Variants in CNTLN observed in about 807,000 individuals in gnomAD.
CNTLN encodes the protein centlein, also known as centlein, centrosomal protein.
A neutral mutation model predicts 180.0 loss-of-function variants in CNTLN; 212 were observed. The observed-to-expected ratio is 1.18, with a 90% CI of 1.05 to 1.32. The LOEUF is 1.32. CNTLN is among the 40% of genes most tolerant of loss of function. CNTLN has a pLI of 0.00. For missense variants in CNTLN, 2,095 were observed against 1,610.9 expected (o/e 1.30, Z -5.14); for synonymous variants, 722 against 563.1 (o/e 1.28, Z -3.99).
At chr9:17,507,511 T>A (rs142943992), downstream of CNTLN, among the ~76,000 whole-genome samples, 274 of 152,346 alleles carry the variant, frequency 1.8e-3, 1 homozygote, top group African/African-American at 6.3e-3. Context: ...ATATAACTAC[T>A]AATTGGGTTA....
chr9:17,138,468 T>G (rs1347020690), intron 1 of CNTLN, among the ~76,000 whole-genome samples: 3 of 152,174 alleles, frequency 2.0e-5, no homozygotes, highest in Non-Finnish European at 4.4e-5. Flanking sequence ...GAATTGTATG[T>G]GATCAGAGAA....
At chr9:17,418,811 T>A (rs967194188) in intron 18 of CNTLN, among the ~76,000 whole-genome samples, 18 of 152,046 alleles carry the variant, frequency 1.2e-4, no homozygotes, top group African/African-American at 4.3e-4. Context: ...GCCTCCATAC[T>A]AAAGATATTA....
At chr9:17,380,638 T>C (rs1438316325) in intron 13 of CNTLN, among the ~76,000 whole-genome samples, 1 of 152,182 alleles carries the variant, frequency 6.6e-6, no homozygotes, top group Non-Finnish European at 1.5e-5. Flanking sequence ...ATGTAAGGTT[T>C]GGCCAGGAGC....
In CNTLN at chr9:17,314,816, G is replaced by A. The variant is rs567504989; in HGVS notation, c.1341+5564G>A. On this transcript the variant is annotated intron_variant, in intron 8 of 25. Transcript: ENST00000380647. ...TAATTTGCTTGGAGTTTAAATGGTC[G>A]TGTGTGGTAGATTTATTCTGATAGG... Among the ~76,000 whole-genome samples the A allele has an allele frequency of 8.5e-5, 13 of 152,222 alleles. No homozygotes were observed. The South Asian group carries it at 2.5e-3, about 29-fold the overall frequency.
intron 3 of CNTLN, among the ~76,000 whole-genome samples, chr9:17,227,731 GA>G (rs1300288598): frequency 1.3e-5 from 2 of 151,916 alleles, no homozygotes; most frequent in African/African-American, 4.8e-5. Flanking sequence ...AATAAACTTA[GA>G]AATTTGAAAT....
intron 3 of CNTLN, among the ~76,000 whole-genome samples, chr9:17,231,851 C>T (rs550069816): frequency 6.6e-5 from 10 of 151,238 alleles, no homozygotes; most frequent in African/African-American, 2.4e-4. Flanking sequence ...TTCATACTCA[C>T]TATTATTCTC....
chr9:17,347,091 G>C (rs1229567822), intron 12 of CNTLN, among the ~76,000 whole-genome samples: 1 of 151,982 alleles, frequency 6.6e-6, no homozygotes, highest in African/African-American at 2.4e-5. Flanking sequence ...TTGTTTATTT[G>C]CTTAGAGTTT....
intron 23 of CNTLN, among the ~76,000 whole-genome samples, chr9:17,476,633 A>T (rs746723606): frequency 1.7e-4 from 26 of 152,226 alleles, no homozygotes; most frequent in South Asian, 4.1e-4. Flanking sequence ...AAAAGATTAA[A>T]CCAGTCACAA....
chr9:17,240,056 T>A (rs183691500), intron 5 of CNTLN, among the ~76,000 whole-genome samples: 1 of 152,302 alleles, frequency 6.6e-6, no homozygotes, highest in East Asian at 1.9e-4. Flanking sequence ...TTGGGGAGTA[T>A]TACCATCTCA....
intron 6 of CNTLN, among the ~76,000 whole-genome samples, chr9:17,278,186 C>T (rs1364611659): frequency 6.6e-6 from 1 of 152,030 alleles, no homozygotes; most frequent in Non-Finnish European, 1.5e-5. Context: ...CAGTCACAGC[C>T]AGAGAACAAG....
chr9:17,404,987 C>G (rs1157706578), intron 15 of CNTLN, among the ~76,000 whole-genome samples: 1 of 151,672 alleles, frequency 6.6e-6, no homozygotes, highest in African/African-American at 2.4e-5. Flanking sequence ...GTCTGCCCAC[C>G]TCGGCCTCCC....
intron 2 of CNTLN, among the ~76,000 whole-genome samples, chr9:17,169,525 GA>G (rs1164864844): frequency 2.0e-5 from 3 of 152,078 alleles, no homozygotes; most frequent in Non-Finnish European, 4.4e-5. Context: ...CTAGTTTTGT[GA>G]TTTCAAGTCT....
intron 2 of CNTLN, among the ~76,000 whole-genome samples, chr9:17,157,601 T>C (rs546774686): frequency 1.3e-5 from 2 of 152,324 alleles, no homozygotes; most frequent in South Asian, 4.1e-4. Context: ...TTTGAATTGA[T>C]GAACTGAGTA....
At chr9:17,510,533 G>A in the CNTLN span, among the ~76,000 whole-genome samples, 1 of 152,140 alleles carries the variant, frequency 6.6e-6, no homozygotes, top group African/African-American at 2.4e-5. Context: ...CAGTAAAGCA[G>A]ATTGCCCTCC....
chr9:17,401,264 A>G (rs1826952311), intron 15 of CNTLN, among the ~76,000 whole-genome samples: 1 of 152,246 alleles, frequency 6.6e-6, no homozygotes, highest in Non-Finnish European at 1.5e-5. Flanking sequence ...CTATATATAC[A>G]TAGCAGACTG....
At chr9:17,468,980 AGAT>A (rs1320208556) in intron 23 of CNTLN, among the ~76,000 whole-genome samples, 1 of 151,746 alleles carries the variant, frequency 6.6e-6, no homozygotes, top group African/African-American at 2.4e-5. Flanking sequence ...TAATAGGGAA[AGAT>A]GATAAATATG....
At chr9:17,303,572 TGTA>T (rs1358919077) in intron 7 of CNTLN, among the ~76,000 whole-genome samples, 1 of 152,094 alleles carries the variant, frequency 6.6e-6, no homozygotes, top group East Asian at 1.9e-4. Flanking sequence ...TCCTCAAAAA[TGTA>T]GTAGTTGTGT....
At chr9:17,330,570 A>G in intron 8 of CNTLN, 62 bp from the exon 9 acceptor site, 1 of 909,894 alleles carries the variant, frequency 1.1e-6, no homozygotes. Context: ...TTAACTATTT[A>G]TTTATAAATA....
At chr9:17,444,916 T>C (rs1225120245) in intron 18 of CNTLN, among the ~76,000 whole-genome samples, 3 of 152,112 alleles carry the variant, frequency 2.0e-5, no homozygotes, top group Non-Finnish European at 2.9e-5. Flanking sequence ...TTGAATAATA[T>C]AGTATAGGTC....
Sources: gnomAD v4.1 joint callset for allele counts (sites outside exome capture counted in the v4.1 genomes callset) on GRCh38, gnomAD v4.1.1 for gene constraint, MANE v1.5 for transcripts, NCBI Gene and HGNC (gene_info 2026-07-23, HGNC 2026-07-21) for gene names.